CFAP210: variants seen among roughly 807,000 people sequenced by gnomAD.
CFAP210 encodes the protein cilia- and flagella- associated protein 210.
At chr2:169,650,625 A>G in the CFAP210 span, 1 of 1,327,008 alleles carries the variant, frequency 7.5e-7, no homozygotes, top group Non-Finnish European at 9.7e-7. Flanking sequence ...TCTCTTACAA[A>G]ACTAACAGGA....
the CFAP210 span, among the ~76,000 whole-genome samples, chr2:169,691,886 T>C: frequency 6.6e-6 from 1 of 152,230 alleles, no homozygotes; most frequent in South Asian, 2.1e-4. Context: ...GTTTGCTTAG[T>C]GGTCAGCTAA....
the CFAP210 span, among the ~76,000 whole-genome samples, chr2:169,668,879 C>T: frequency 6.6e-6 from 1 of 152,110 alleles, no homozygotes; most frequent in Non-Finnish European, 1.5e-5. Context: ...CAAAATGTGA[C>T]ACAGAGACAT....
chr2:169,645,760 C>G, the CFAP210 span: 1 of 870,286 alleles, frequency 1.1e-6, no homozygotes, highest in African/African-American at 1.7e-5. Flanking sequence ...TGAAGAACAG[C>G]TTTATTAACT....
chr2:169,645,691 T>C, the CFAP210 span: 42 of 614,180 alleles, frequency 6.8e-5, no homozygotes, highest in Admixed American at 1.5e-4. Flanking sequence ...TGGGGTTTTA[T>C]ATATACCCAA....
the CFAP210 span, among the ~76,000 whole-genome samples, chr2:169,665,799 A>T: frequency 6.6e-6 from 1 of 152,316 alleles, no homozygotes; most frequent in South Asian, 2.1e-4. Context: ...TTATTTGTGC[A>T]GAAGGGCTAT....
chr2:169,678,582 T>G, the CFAP210 span, among the ~76,000 whole-genome samples: 1 of 152,122 alleles, frequency 6.6e-6, no homozygotes, highest in Non-Finnish European at 1.5e-5. Context: ...CCCGGCACTT[T>G]GGGAGGCCAA....
the CFAP210 span, among the ~76,000 whole-genome samples, chr2:169,656,964 C>CAA: frequency 0.15 from 6,133 of 39,990 alleles, 1,025 homozygotes; most frequent in East Asian, 0.29. Context: ...GACTCCATCT[C>CAA]AAAAAAAAAA....
the CFAP210 span, among the ~76,000 whole-genome samples, chr2:169,688,128 A>C: frequency 6.6e-6 from 1 of 152,344 alleles, no homozygotes; most frequent in South Asian, 2.1e-4. Flanking sequence ...GTCCTGGCCC[A>C]TAAAACCATT....
the CFAP210 span, chr2:169,660,840 A>T: frequency 2.6e-5 from 7 of 272,430 alleles, no homozygotes; most frequent in Non-Finnish European, 5.0e-5. Context: ...GAGCTCAAAG[A>T]GATCTGCCTG....
the CFAP210 span, among the ~76,000 whole-genome samples, chr2:169,664,931 C>A: frequency 6.6e-6 from 1 of 152,208 alleles, no homozygotes; most frequent in South Asian, 2.1e-4. Flanking sequence ...AAGACCACTA[C>A]CCAAAATTTG....
At chr2:169,689,144 T>C in the CFAP210 span, among the ~76,000 whole-genome samples, 1 of 152,192 alleles carries the variant, frequency 6.6e-6, no homozygotes, top group African/African-American at 2.4e-5. Flanking sequence ...CGGGAAAGAC[T>C]GGCCCCCATG....
At chr2:169,663,214 T>C in the CFAP210 span, among the ~76,000 whole-genome samples, 1 of 151,246 alleles carries the variant, frequency 6.6e-6, no homozygotes, top group Non-Finnish European at 1.5e-5. Context: ...AACTCACGCA[T>C]CCTTGCTAGC....
At chr2:169,676,012 T>C in the CFAP210 span, among the ~76,000 whole-genome samples, 3 of 152,340 alleles carry the variant, frequency 2.0e-5, no homozygotes, top group South Asian at 6.2e-4. Flanking sequence ...TGTTTTGCCA[T>C]TTAAATTTAG....
the CFAP210 span, among the ~76,000 whole-genome samples, chr2:169,668,473 G>C: frequency 2.0e-5 from 3 of 152,168 alleles, no homozygotes; most frequent in Middle Eastern, 3.2e-3. Context: ...TTGGCTGTTT[G>C]GTGGAAGAGA....
chr2:169,686,305 A>G, the CFAP210 span, among the ~76,000 whole-genome samples: 1 of 152,214 alleles, frequency 6.6e-6, no homozygotes, highest in Non-Finnish European at 1.5e-5. Context: ...TTCCATATGA[A>G]TTCTAAGATC....
the CFAP210 span, among the ~76,000 whole-genome samples, chr2:169,669,677 T>C: frequency 6.6e-6 from 1 of 151,074 alleles, no homozygotes; most frequent in African/African-American, 2.4e-5. Flanking sequence ...TTTGAAAAAC[T>C]GGTTGGATAA....
the CFAP210 span, among the ~76,000 whole-genome samples, chr2:169,691,583 C>T: frequency 6.6e-6 from 1 of 152,306 alleles, no homozygotes; most frequent in South Asian, 2.1e-4. Flanking sequence ...GGCCAGACTT[C>T]CACAGAGCCA....
chr2:169,692,183 T>G, the CFAP210 span, among the ~76,000 whole-genome samples: 1 of 152,138 alleles, frequency 6.6e-6, no homozygotes, highest in African/African-American at 2.4e-5. Flanking sequence ...ACATATCACT[T>G]CCCAACTGAT....
chr2:169,656,454 A>C, the CFAP210 span, among the ~76,000 whole-genome samples: 1 of 145,682 alleles, frequency 6.9e-6, no homozygotes, highest in East Asian at 2.0e-4. Context: ...AGGAAGATGA[A>C]GTAGAGAAGG....
Sources: allele counts gnomAD v4.1 joint callset (sites outside exome capture counted in the v4.1 genomes callset), GRCh38; gene constraint gnomAD v4.1.1; transcripts MANE v1.5; gene names NCBI Gene and HGNC (gene_info 2026-07-23, HGNC 2026-07-21).